LRCH3: variants seen among roughly 807,000 people sequenced by gnomAD.
LRCH3 encodes the protein DISP complex protein LRCH3.
In LRCH3, 68 loss-of-function variants were observed where a neutral mutation model predicts 104.5. That is an observed-to-expected ratio of 0.65 (90% CI 0.54 to 0.80). The LOEUF (loss-of-function observed/expected upper bound fraction) is 0.80. Ranked by LOEUF, LRCH3 falls within the 30% of genes least tolerant of loss-of-function variation. The pLI, the probability that LRCH3 is intolerant of heterozygous loss-of-function variation, is 0.00. For synonymous variants in LRCH3, 344 were observed against 361.3 expected, an observed-to-expected ratio of 0.95 and a Z score of 0.54; for missense variants, 951 against 953.9, an observed-to-expected ratio of 1.00 and a Z score of 0.04.
chr3:197,869,121 A>G (rs1711719054), intron 17 of LRCH3, among the ~76,000 whole-genome samples: 1 of 152,266 alleles, frequency 6.6e-6, no homozygotes, highest in Admixed American at 6.5e-5. Context: ...CAATCCAGAA[A>G]GTGGAAAGCA....
Position 197,866,059 on chromosome 3 carries a change from G to C in LRCH3, c.1766-53G>C, listed in dbSNP as rs1391153084. 6 of 1,246,456 alleles carry C rather than the reference G, an allele frequency of 4.8e-6. No individual in the cohort carries two copies. In the East Asian group the frequency reaches 1.4e-4, roughly 29 times the overall value. 77.2% of individuals were successfully genotyped at this position (1,246,456 alleles called of 1,614,324 possible). On this transcript the variant is annotated intron_variant, in intron 16 of 20. Coordinates refer to ENST00000425562, the MANE Select transcript of LRCH3 (RefSeq NM_001365715.1). ...TGTTACTTTTGTAACTTGTATGTCT[G>C]CTATTATATTTTCATCTCCTTTAAT...
chr3:197,812,163 C>T (rs1733198762), intron 1 of LRCH3, among the ~76,000 whole-genome samples: 1 of 152,146 alleles, frequency 6.6e-6, no homozygotes, highest in South Asian at 2.1e-4. Context: ...ACACTGTATG[C>T]GTTAAACACT....
intron 5 of LRCH3, among the ~76,000 whole-genome samples, chr3:197,827,245 A>ATAAATCATGGTGGAAGCATCAGG (rs1735326371): frequency 3.6e-5 from 5 of 139,052 alleles, no homozygotes; most frequent in African/African-American, 1.3e-4. Context: ...GAAGCATCAG[A>ATAAATCATGGTGGAAGCATCAGG]TAAATCATGG....
intron 19 of LRCH3, among the ~76,000 whole-genome samples, chr3:197,872,544 G>A (rs541872477): frequency 6.6e-6 from 1 of 152,118 alleles, no homozygotes; most frequent in African/African-American, 2.4e-5. Flanking sequence ...CAGCTTGGGT[G>A]ATCTTGTTTC....
chr3:197,878,577 C>T (rs1039628478), intron 20 of LRCH3, among the ~76,000 whole-genome samples: 6 of 152,098 alleles, frequency 3.9e-5, no homozygotes, highest in Non-Finnish European at 7.4e-5. Flanking sequence ...CATAGGCTGC[C>T]CCTTCCTTCT....
At chr3:197,838,206 G>A (rs557961145) in intron 9 of LRCH3, among the ~76,000 whole-genome samples, 32 of 152,358 alleles carry the variant, frequency 2.1e-4, no homozygotes, top group Admixed American at 4.6e-4. Context: ...GACTGCTTGA[G>A]CCCGGCAGTT....
chr3:197,842,036 T>C (rs1477737815), intron 10 of LRCH3, among the ~76,000 whole-genome samples: 1 of 152,116 alleles, frequency 6.6e-6, no homozygotes, highest in African/African-American at 2.4e-5. Flanking sequence ...AATCTCCCTA[T>C]GTTGCCCAGG....
At chr3:197,862,269 T>C (rs554450714) in intron 15 of LRCH3, among the ~76,000 whole-genome samples, 1 of 146,236 alleles carries the variant, frequency 6.8e-6, no homozygotes, top group South Asian at 2.1e-4. Context: ...GTGCTGGGAT[T>C]ACAGGCGTGA....
intron 18 of LRCH3, 85 bp downstream of exon 18, chr3:197,870,363 C>A: frequency 3.8e-6 from 5 of 1,301,988 alleles, no homozygotes; most frequent in Admixed American, 2.1e-5. Context: ...TTTGACACAT[C>A]ATTTTTATTT....
At chr3:197,831,436 C>A (rs1735923103) in intron 7 of LRCH3, 1 of 151,886 alleles carries the variant, frequency 6.6e-6, no homozygotes, top group Admixed American at 6.6e-5. Flanking sequence ...ATTAAGTAAA[C>A]TTTTGTTAGC....
intron 12 of LRCH3, chr3:197,848,559 CT>C (rs2109393028): frequency 6.6e-6 from 1 of 152,634 alleles, no homozygotes; most frequent in East Asian, 1.9e-4. Context: ...TATTGCTTAT[CT>C]TTTTGTTCTG....
intron 4 of LRCH3, among the ~76,000 whole-genome samples, chr3:197,820,907 A>G (rs1256313498): frequency 6.6e-6 from 1 of 151,990 alleles, no homozygotes; most frequent in East Asian, 1.9e-4. Flanking sequence ...AGTGTTTGAA[A>G]TCTAATGGTT....
chr3:197,841,011 C>G (rs376451448), intron 10 of LRCH3, among the ~76,000 whole-genome samples: 1 of 152,196 alleles, frequency 6.6e-6, no homozygotes, highest in Admixed American at 6.5e-5. Context: ...AAGGTAAAAG[C>G]TGGCTCTTTC....
intron 1 of LRCH3, among the ~76,000 whole-genome samples, chr3:197,793,750 TTGA>T (rs1317473911): frequency 2.6e-5 from 4 of 152,250 alleles, no homozygotes; most frequent in African/African-American, 9.6e-5. Flanking sequence ...TTTTTGTTGG[TTGA>T]TTTTTCATCT....
chr3:197,860,208 C>G (rs1256598234), intron 15 of LRCH3, among the ~76,000 whole-genome samples: 1 of 152,124 alleles, frequency 6.6e-6, no homozygotes, highest in Non-Finnish European at 1.5e-5. Context: ...CACTGTATTG[C>G]CCAGGCGGGT....
At chr3:197,804,484 G>A (rs1169163911) in intron 1 of LRCH3, among the ~76,000 whole-genome samples, 2 of 152,194 alleles carry the variant, frequency 1.3e-5, no homozygotes, top group Non-Finnish European at 2.9e-5. Context: ...ATCCCAGTAG[G>A]TATGGTAAGG....
At chr3:197,871,608 G>T in intron 19 of LRCH3, 146 bp downstream of exon 19, 1 of 1,078,628 alleles carries the variant, frequency 9.3e-7, no homozygotes, top group Non-Finnish European at 1.3e-6. Context: ...ACTTCTACTC[G>T]AGAAGAAATA....
chr3:197,795,307 A>G (rs777078334), intron 1 of LRCH3, among the ~76,000 whole-genome samples: 9 of 152,148 alleles, frequency 5.9e-5, no homozygotes, highest in South Asian at 4.1e-4. Context: ...CCTCTCAGTT[A>G]TATGAACCCC....
chr3:197,793,076 A>T (rs943643047), intron 1 of LRCH3, among the ~76,000 whole-genome samples: 1 of 152,242 alleles, frequency 6.6e-6, no homozygotes, highest in African/African-American at 2.4e-5. Flanking sequence ...GGCGTGAGCC[A>T]CTGCGGCTGG....
Sources: gnomAD v4.1 joint callset for allele counts (sites outside exome capture counted in the v4.1 genomes callset) on GRCh38, gnomAD v4.1.1 for gene constraint, MANE v1.5 for transcripts, NCBI Gene and HGNC (gene_info 2026-07-23, HGNC 2026-07-21) for gene names.